The following PIWIL2 variants were observed in gnomAD, a reference collection of about 807,000 sequenced individuals.
The protein encoded by PIWIL2 is piwi-like protein 2.
PIWIL2 carries 81 observed loss-of-function variants against 116.5 expected under a neutral mutation model. The ratio of observed to expected loss-of-function variants is 0.70; its 90% CI spans 0.58 to 0.84. The LOEUF is 0.84. Among genes scored for constraint, PIWIL2 ranks in the 40% least tolerant of loss-of-function variants. The pLI is 0.00. For missense variants in PIWIL2, 1,272 were observed against 1,212.3 expected (o/e 1.05, Z -0.73); for synonymous variants, 489 against 429.5 (o/e 1.14, Z -1.71).
chr8:22,281,370 C>CT lies in PIWIL2; in HGVS notation c.287-4dup. 6.2e-7 allele frequency: 1 copy of CT among 1,606,936 alleles called. No individual in the cohort carries two copies. Among genetic ancestry groups the CT allele is most frequent in the South Asian group, 1.1e-5 (1 of 89,274 alleles). ...AGTCATTGCTGGGGTTCGGTTCTTT[C>CT]TTTCAGGTAGAGGCATTTTAGGTCG... is the stretch of plus-strand genomic sequence containing the variant. On this transcript the variant is annotated splice_polypyrimidine_tract_variant and splice_region_variant and intron_variant, in intron 3 of 22. Coordinates refer to ENST00000356766, the MANE Select transcript of PIWIL2 (RefSeq NM_018068.5).
intron 20 of PIWIL2, 22 bp downstream of exon 20, chr8:22,318,297 A>T: frequency 7.6e-7 from 1 of 1,312,116 alleles, no homozygotes; most frequent in Non-Finnish European, 1.1e-6. Context: ...AGAAATTCTC[A>T]GGCTTCTGGG....
Position 22,289,828 on chromosome 8 carries a change from T to A in PIWIL2, c.987-19T>A. 1 of 1,486,698 alleles carries A rather than the reference T, an allele frequency of 6.7e-7. No individual in the cohort carries two copies. The highest frequency in any genetic ancestry group is 9.4e-7 in the Non-Finnish European group (1 of 1,065,050). The allele number at this position is 1,486,698 out of a possible 1,614,324, so 92.1% of individuals were successfully genotyped here. A position where few individuals can be genotyped will look rare whatever the true frequency, so the allele number is the denominator to read the frequency against. On this transcript the variant is annotated intron_variant, in intron 8 of 22. Transcript: ENST00000356766. Reference sequence around the variant, plus strand: ...TATTACTCTTCTATTAGAAAACTCATACTTGCTTTTTATTTCAGGGTAATG... The same window carrying A: ...TATTACTCTTCTATTAGAAAACTCAAACTTGCTTTTTATTTCAGGGTAATG...
intron 20 of PIWIL2, among the ~76,000 whole-genome samples, chr8:22,349,378 C>T (rs1012331149): frequency 6.8e-6 from 1 of 147,230 alleles, no homozygotes; most frequent in Non-Finnish European, 1.5e-5. Context: ...TATCCTTGAT[C>T]TAGCTCGGTC....
At chr8:22,327,110 C>G (rs1248588978) in intron 20 of PIWIL2, among the ~76,000 whole-genome samples, 1 of 149,822 alleles carries the variant, frequency 6.7e-6, no homozygotes, top group Non-Finnish European at 1.5e-5. Context: ...TTACTGCAGC[C>G]TCCACCTCCT....
chr8:22,295,065 C>T (rs1830865108), intron 10 of PIWIL2, among the ~76,000 whole-genome samples: 1 of 151,744 alleles, frequency 6.6e-6, no homozygotes, highest in Non-Finnish European at 1.5e-5. Context: ...GGCAACAGAG[C>T]GAGACTTCGT....
chr8:22,279,645 A>C, intron 2 of PIWIL2, 61 bp downstream of exon 2: 1 of 1,489,060 alleles, frequency 6.7e-7, no homozygotes, highest in South Asian at 1.1e-5. Context: ...CGTCAGAGGA[A>C]GTAATGGATT....
intron 12 of PIWIL2, among the ~76,000 whole-genome samples, chr8:22,305,423 A>T (rs1831153268): frequency 6.6e-6 from 1 of 151,982 alleles, no homozygotes; most frequent in Non-Finnish European, 1.5e-5. Context: ...CGATCTCCTG[A>T]CCTCGTGATT....
At position 22,304,096 on chromosome 8, in the gene PIWIL2, C is replaced by T; in HGVS notation, c.1257C>T (p.Ile419=). 3.7e-6 allele frequency: 6 copies of T among 1,608,844 alleles called. No homozygotes were observed. The highest frequency in any genetic ancestry group is 5.1e-6 in the Non-Finnish European group (6 of 1,175,158). ...AGCTTCTGGTTGGCAATATTGTTAT[C>T]ACCCGATATAACAATCGTACCTATC... ...CTKLLVGNIV[I]TRYNNRTYRI... is the part of the protein sequence containing the mutation. The change falls in exon 11 of 23, where the codon ATC becomes ATT. Residue 419 remains isoleucine, a synonymous_variant. Coordinates refer to ENST00000356766, the MANE Select transcript of PIWIL2 (RefSeq NM_018068.5).
chr8:22,280,553 A>G (rs1035292119), intron 2 of PIWIL2, among the ~76,000 whole-genome samples: 1 of 152,224 alleles, frequency 6.6e-6, no homozygotes, highest in East Asian at 1.9e-4. Flanking sequence ...GTAATCTTAC[A>G]TGTTGACTCA....
chr8:22,340,739 G>A (rs1361030986), intron 20 of PIWIL2, among the ~76,000 whole-genome samples: 1 of 151,986 alleles, frequency 6.6e-6, no homozygotes, highest in Non-Finnish European at 1.5e-5. Flanking sequence ...TTTTTTCTGA[G>A]ACATAGAGTC....
At chr8:22,314,654 G>T (rs1831412231) in intron 17 of PIWIL2, among the ~76,000 whole-genome samples, 1 of 152,158 alleles carries the variant, frequency 6.6e-6, no homozygotes, top group Non-Finnish European at 1.5e-5. Flanking sequence ...TTGTTCCGAG[G>T]TTGAGTCACC....
chr8:22,316,531 G>C (rs1358442556), intron 19 of PIWIL2, among the ~76,000 whole-genome samples, 198 bp downstream of exon 19: 1 of 151,970 alleles, frequency 6.6e-6, no homozygotes, highest in Non-Finnish European at 1.5e-5. Flanking sequence ...ACCCAGGCTG[G>C]AGTGCAGTGG....
chr8:22,304,917 G>A lies in PIWIL2; in HGVS notation c.1455+49G>A, dbSNP rs200793511. On this transcript the variant is annotated intron_variant, in intron 12 of 22. Transcript: ENST00000356766. ...AATTCCAGCTTAAGTTCTTCATCCT[G>A]TCAGCTGCTTTTAGCCGTCCTCATG... 7.1e-6 allele frequency: 9 copies of A among 1,268,436 alleles called. No homozygotes were observed. In the Admixed American group the frequency reaches 1.0e-4, roughly 14 times the overall value. 78.6% of individuals were successfully genotyped at this position (1,268,436 alleles called of 1,614,324 possible).
chr8:22,292,756 TC>T (rs776080785), intron 10 of PIWIL2, among the ~76,000 whole-genome samples: 1 of 152,176 alleles, frequency 6.6e-6, no homozygotes, highest in Non-Finnish European at 1.5e-5. Flanking sequence ...AGGAGATTGG[TC>T]GTTTGTTACT....
At chr8:22,298,899 G>T (rs578206295) in intron 10 of PIWIL2, among the ~76,000 whole-genome samples, 2 of 152,304 alleles carry the variant, frequency 1.3e-5, no homozygotes, top group East Asian at 1.9e-4. Flanking sequence ...TAAGTCATCA[G>T]TGATTGGCTG....
In PIWIL2 at chr8:22,309,568, A is replaced by G. The variant is rs180961891; in HGVS notation, c.1687-393A>G. On this transcript the variant is annotated intron_variant, in intron 14 of 22. Transcript: ENST00000356766. ...TGGCCAGGCTGGTGTCAAACTCCTG[A>G]CCTCAAGTGATCTGCCCTCCTCGGC... Among the ~76,000 whole-genome samples the G allele has an allele frequency of 8.7e-4, 132 of 151,740 alleles. No homozygotes were observed. In the East Asian group the frequency reaches 0.021, roughly 24 times the overall value.
At chr8:22,354,844 C>T (rs563241211) in intron 22 of PIWIL2, among the ~76,000 whole-genome samples, 92 of 152,028 alleles carry the variant, frequency 6.1e-4, no homozygotes, top group Non-Finnish European at 1.2e-3. Flanking sequence ...CTGAGGCAGG[C>T]GGATCACCTG....
intron 10 of PIWIL2, among the ~76,000 whole-genome samples, chr8:22,295,053 T>G (rs1450133870): frequency 6.6e-6 from 1 of 152,072 alleles, no homozygotes; most frequent in East Asian, 1.9e-4. Context: ...TACTCTAGCC[T>G]GGGCAACAGA....
rs1032010343 is a variant in PIWIL2, at chr8:22,303,951, G to C, written c.1182-70G>C. ...CTGTGATTAGATTCCTCAATTACTT[G>C]ATCCCCTATCCCTTTCATACTGTTC... On this transcript the variant is annotated intron_variant, in intron 10 of 22. Coordinates refer to ENST00000356766, the MANE Select transcript of PIWIL2 (RefSeq NM_018068.5). 5.3e-6 allele frequency: 5 copies of C among 942,662 alleles called. No homozygotes were observed. The African/African-American group carries it at 8.3e-5, about 16-fold the overall frequency. 58.4% of individuals were successfully genotyped at this position (942,662 alleles called of 1,614,324 possible). A position where few individuals can be genotyped will look rare whatever the true frequency, so the allele number is the denominator to read the frequency against.
Sources: allele counts gnomAD v4.1 joint callset (sites outside exome capture counted in the v4.1 genomes callset), GRCh38; gene constraint gnomAD v4.1.1; transcripts MANE v1.5; gene names NCBI Gene and HGNC (gene_info 2026-07-23, HGNC 2026-07-21).